TMEM74: variants seen among roughly 807,000 people sequenced by gnomAD.
TMEM74 encodes the protein transmembrane protein 74.
In TMEM74, 13 loss-of-function variants were observed where a neutral mutation model predicts 18.1. The ratio of observed to expected loss-of-function variants is 0.72; its 90% CI spans 0.47 to 1.14. The LOEUF (loss-of-function observed/expected upper bound fraction) is 1.14, where lower values mean the gene tolerates loss of function less well. Among genes scored for constraint, TMEM74 ranks in the 50% most tolerant of loss-of-function variants. TMEM74 has a pLI of 0.00. For missense variants in TMEM74, 372 were observed against 375.9 expected (o/e 0.99, Z 0.09); for synonymous variants, 159 against 146.6 (o/e 1.08, Z -0.61).
At chr8:108,669,999 C>G (rs1269537122) in intron 1 of TMEM74, among the ~76,000 whole-genome samples, 1 of 142,716 alleles carries the variant, frequency 7.0e-6, no homozygotes, top group Non-Finnish European at 1.5e-5. Flanking sequence ...GATTGCACCA[C>G]TGCACTCTAG....
At chr8:108,712,366 T>A (rs868344574) in intron 1 of TMEM74, among the ~76,000 whole-genome samples, 1 of 152,306 alleles carries the variant, frequency 6.6e-6, no homozygotes, top group Middle Eastern at 3.4e-3. Context: ...TATGTAAATA[T>A]CTCATTCCTT....
intron 2 of TMEM74, among the ~76,000 whole-genome samples, chr8:108,651,787 TA>T (rs1310901324): frequency 1.3e-5 from 2 of 151,936 alleles, no homozygotes; most frequent in African/African-American, 2.4e-5. Flanking sequence ...GGAGAAGAGT[TA>T]TTTTTTTTTG....
chr8:108,762,426 C>T (rs1490815774), intron 1 of TMEM74, among the ~76,000 whole-genome samples: 1 of 152,010 alleles, frequency 6.6e-6, no homozygotes, highest in South Asian at 2.1e-4. Context: ...AATGTCAGCT[C>T]CTCATTTTGT....
At chr8:108,670,259 A>G (rs1812990918) in intron 1 of TMEM74, among the ~76,000 whole-genome samples, 1 of 152,210 alleles carries the variant, frequency 6.6e-6, no homozygotes, top group African/African-American at 2.4e-5. Context: ...CCTATGAACA[A>G]ATAGCCAATT....
chr8:108,610,470 A>C (rs1295189644), intron 2 of TMEM74, among the ~76,000 whole-genome samples: 1 of 152,240 alleles, frequency 6.6e-6, no homozygotes, highest in African/African-American at 2.4e-5. Flanking sequence ...GAAAGATAAT[A>C]AATAAAATAG....
intron 1 of TMEM74, among the ~76,000 whole-genome samples, chr8:108,699,941 A>T (rs1421565983): frequency 2.6e-5 from 4 of 152,234 alleles, no homozygotes; most frequent in Non-Finnish European, 5.9e-5. Context: ...TAATAAGCAT[A>T]ACATAGAGAC....
At chr8:108,612,573 G>A (rs1812344321) in intron 2 of TMEM74, among the ~76,000 whole-genome samples, 1 of 152,170 alleles carries the variant, frequency 6.6e-6, no homozygotes, top group South Asian at 2.1e-4. Context: ...TTTAACAGGA[G>A]TCAATCTAAG....
At chr8:108,646,314 T>C (rs1414688857) in intron 2 of TMEM74, among the ~76,000 whole-genome samples, 1 of 152,130 alleles carries the variant, frequency 6.6e-6, no homozygotes, top group Non-Finnish European at 1.5e-5. Flanking sequence ...AAGTATGTTA[T>C]ACAATAATTA....
intron 1 of TMEM74, among the ~76,000 whole-genome samples, chr8:108,659,232 T>C (rs1812875906): frequency 2.9e-5 from 1 of 34,556 alleles, no homozygotes; most frequent in Admixed American, 2.7e-4. Flanking sequence ...TCCTGAGGTG[T>C]GGCCTTTATA....
intron 1 of TMEM74, among the ~76,000 whole-genome samples, chr8:108,670,126 G>T (rs370153363): frequency 6.7e-6 from 1 of 149,910 alleles, no homozygotes; most frequent in Non-Finnish European, 1.5e-5. Context: ...ACTATTCATA[G>T]TATAGTAGAA....
At chr8:108,775,070 C>T (rs1037131430), downstream of TMEM74, among the ~76,000 whole-genome samples, 10 of 152,120 alleles carry the variant, frequency 6.6e-5, no homozygotes, top group African/African-American at 2.2e-4. Flanking sequence ...TATGTTACAC[C>T]TCACATAAAA....
At chr8:108,660,958 T>C (rs965861915) in intron 1 of TMEM74, among the ~76,000 whole-genome samples, 2 of 151,994 alleles carry the variant, frequency 1.3e-5, no homozygotes, top group African/African-American at 4.8e-5. Flanking sequence ...ATAAGGGAGG[T>C]TAGGATCCAT....
chr8:108,619,640 A>G (rs1302048285), intron 2 of TMEM74, among the ~76,000 whole-genome samples: 2 of 152,186 alleles, frequency 1.3e-5, no homozygotes, highest in African/African-American at 4.8e-5. Context: ...GAGCTTAAGC[A>G]TAGCTCCTGC....
At chr8:108,656,347 T>C (rs901140274) in intron 1 of TMEM74, among the ~76,000 whole-genome samples, 6 of 152,192 alleles carry the variant, frequency 3.9e-5, no homozygotes, top group African/African-American at 1.2e-4. Flanking sequence ...AGCTCATTGT[T>C]GTCACATGTT....
chr8:108,769,093 G>A (rs1349016432), intron 1 of TMEM74, among the ~76,000 whole-genome samples: 3 of 151,426 alleles, frequency 2.0e-5, no homozygotes, highest in African/African-American at 7.3e-5. Context: ...ACTTGAGGTC[G>A]TGAGTTCAAG....
intron 1 of TMEM74, among the ~76,000 whole-genome samples, chr8:108,677,412 A>G (rs1039579487): frequency 6.6e-6 from 1 of 152,188 alleles, no homozygotes; most frequent in Non-Finnish European, 1.5e-5. Flanking sequence ...AATGTATTAT[A>G]CGTATCAGTG....
At chr8:108,769,130 C>T (rs189559181) in intron 1 of TMEM74, among the ~76,000 whole-genome samples, 2 of 149,314 alleles carry the variant, frequency 1.3e-5, no homozygotes, top group Admixed American at 1.3e-4. Context: ...TGGTGAAACA[C>T]TATTTTTAGT....
intron 2 of TMEM74, among the ~76,000 whole-genome samples, chr8:108,639,837 C>G (rs1051755544): frequency 6.6e-6 from 1 of 152,248 alleles, no homozygotes; most frequent in East Asian, 1.9e-4. Flanking sequence ...TTGTCTTCAG[C>G]AGAGAACCAC....
intron 2 of TMEM74, among the ~76,000 whole-genome samples, chr8:108,647,462 TA>T (rs1812731315): frequency 6.6e-6 from 1 of 152,132 alleles, no homozygotes; most frequent in Non-Finnish European, 1.5e-5. Flanking sequence ...GACTAATGTT[TA>T]GTACTAGAAA....
Sources: gnomAD v4.1 joint callset for allele counts (sites outside exome capture counted in the v4.1 genomes callset) on GRCh38, gnomAD v4.1.1 for gene constraint, MANE v1.5 for transcripts, NCBI Gene and HGNC (gene_info 2026-07-23, HGNC 2026-07-21) for gene names.